Variants in ASIC4 observed in about 807,000 individuals in gnomAD.
The protein encoded by ASIC4 is acid-sensing ion channel 4.
In ASIC4, 28 loss-of-function variants were observed where a neutral mutation model predicts 53.4. The ratio of observed to expected loss-of-function variants is 0.52; its 90% CI spans 0.39 to 0.72. The LOEUF is 0.72. Ranked by LOEUF, ASIC4 falls within the 30% of genes least tolerant of loss-of-function variation. The pLI is 0.00. For synonymous variants in ASIC4, 289 were observed against 301.4 expected (o/e 0.96, Z 0.43); for missense variants, 649 against 729.7 (o/e 0.89, Z 1.27).
In ASIC4 at chr2:219,532,058, C is replaced by T. The variant is rs1343350219; in HGVS notation, c.785C>T (p.Pro262Leu). ...CAGATCCACAGCCAGGAGGAGCCGC[C>T]CTACATCCACCAGCTGGGGTTCGGG... ...RVQIHSQEEP[P>L]YIHQLGFGVS... The change falls in exon 3 of 10, where the codon CCC (proline) becomes CTC (leucine). Residue 262 changes from proline (P) to leucine (L), a missense_variant. Transcript: ENST00000358078. 1 of 1,614,246 alleles carries T rather than the reference C, an allele frequency of 6.2e-7. No individual in the cohort carries two copies.
rs778670602 is a variant in ASIC4, at chr2:219,537,078, G to T, written c.1242G>T (p.Leu414=). 6.2e-6 allele frequency: 10 copies of T among 1,614,034 alleles called. No individual in the cohort carries two copies. In the East Asian group the frequency reaches 1.1e-4, roughly 18 times the overall value. The change falls in exon 7 of 10, where the codon CTG becomes CTT. Residue 414 remains leucine, a synonymous_variant. Coordinates refer to ENST00000358078, the MANE Select transcript of ASIC4 (RefSeq NM_018674.6). The surrounding 1 kb of genome is among the most constrained non-coding windows in gnomAD (Gnocchi z 4.9). ...RNETYIRENF[L]VLDVFFEALT... Reference sequence around the variant, plus strand: ...CCTGTCTCCACAGGGAGAACTTCCTGGTCCTAGATGTCTTCTTTGAGGCCC... The same window carrying T: ...CCTGTCTCCACAGGGAGAACTTCCTTGTCCTAGATGTCTTCTTTGAGGCCC...
upstream of ASIC4, among the ~76,000 whole-genome samples, chr2:219,511,283 G>A (rs1228539332): frequency 3.3e-5 from 5 of 152,066 alleles, no homozygotes; most frequent in Non-Finnish European, 7.4e-5. The surrounding 1 kb of genome is among the most constrained non-coding windows in gnomAD (Gnocchi z 5.3). Context: ...GAGGTCTCTG[G>A]GTCTGCCTTT....
At position 219,537,011 on chromosome 2, in the gene ASIC4, CCAGCCTTCT is replaced by C; in HGVS notation, c.1230-51_1230-43del. On this transcript the variant is annotated intron_variant, in intron 6 of 9. Coordinates refer to ENST00000358078, the MANE Select transcript of ASIC4 (RefSeq NM_018674.6). This position sits in a 1 kb window ranked among gnomAD's most constrained non-coding sequence, Gnocchi z 4.9. ...ATCTGCTGGATCCAGGATGCCCCTG[CCAGCCTTCT>C]CAGGAAGAGAGGCCCACACGGATAC... is the stretch of plus-strand genomic sequence containing the variant. 1 of 1,522,486 alleles carries C rather than the reference CCAGCCTTCT, an allele frequency of 6.6e-7. No individual in the cohort carries two copies. The highest frequency in any genetic ancestry group is 9.1e-7 in the Non-Finnish European group (1 of 1,101,602). The allele number at this position is 1,522,486 out of a possible 1,614,324, so 94.3% of individuals were successfully genotyped here.
chr2:219,525,563 A>G (rs1301942050), intron 1 of ASIC4, among the ~76,000 whole-genome samples: 1 of 152,202 alleles, frequency 6.6e-6, no homozygotes, highest in Admixed American at 6.5e-5. Flanking sequence ...CTGCCTTTGT[A>G]CAATGAGTGA....
chr2:219,535,919 C>T (rs900005794), intron 6 of ASIC4, among the ~76,000 whole-genome samples: 1 of 151,982 alleles, frequency 6.6e-6, no homozygotes, highest in African/African-American at 2.4e-5. Flanking sequence ...ATTATAGGCA[C>T]CCACAGCCAT....
rs12477394 is a variant in ASIC4, at chr2:219,535,292, G to A, written c.1197G>A (p.Ala399=). ...IPNRGSARYL[A]RKYNRNETYI... is the part of the protein sequence containing the mutation. ...ACAGGGGCTCAGCCCGGTACCTGGC[G>A]AGGAAGTACAACCGCAACGAGACCT... Residue 399 remains alanine, a synonymous_variant, in exon 6 of 10, where the codon GCG becomes GCA. Coordinates refer to ENST00000358078, the MANE Select transcript of ASIC4 (RefSeq NM_018674.6). 0.021 allele frequency: 33,587 copies of A among 1,611,740 alleles called. 2,466 individuals carry two copies. In the African/African-American group the frequency reaches 0.24, roughly 12 times the overall value.
Position 219,532,363 on chromosome 2 carries a change from C to T in ASIC4, c.904C>T (p.Leu302Phe), listed in dbSNP as rs1401734269. ...PWGNCRAESE[L>F]REPELQGYSA... is the part of the protein sequence containing the mutation. ...GGGCAACTGCCGCGCAGAGAGTGAG[C>T]TCAGGGAGCCTGAGCTTCAGGGCTA... The change falls in exon 4 of 10, where the codon CTC (leucine) becomes TTC (phenylalanine). Residue 302 changes from leucine to phenylalanine, a missense_variant. Coordinates refer to ENST00000358078, the MANE Select transcript of ASIC4 (RefSeq NM_018674.6). 6.2e-7 allele frequency: 1 copy of T among 1,613,868 alleles called. No homozygotes were observed. Among genetic ancestry groups the T allele is most frequent in the Non-Finnish European group, 8.5e-7 (1 of 1,179,890 alleles).
At chr2:219,531,926 G>C in intron 2 of ASIC4, 24 bp downstream of exon 2, 1 of 1,611,526 alleles carries the variant, frequency 6.2e-7, no homozygotes, top group Non-Finnish European at 8.5e-7. Context: ...AAAGGGACAA[G>C]GGCCACCTTG....
chr2:219,530,466 A>G (rs1272879913), intron 1 of ASIC4, among the ~76,000 whole-genome samples: 4 of 152,252 alleles, frequency 2.6e-5, no homozygotes, highest in African/African-American at 9.6e-5. Flanking sequence ...GGCTGGGGAC[A>G]CCAGACAGGC....
intron 1 of ASIC4, among the ~76,000 whole-genome samples, chr2:219,531,244 T>C (rs779444380): frequency 6.6e-6 from 1 of 151,914 alleles, no homozygotes; most frequent in Non-Finnish European, 1.5e-5. Context: ...CATATGCTTG[T>C]AATCCCAGCT....
At chr2:219,515,411 T>A in intron 1 of ASIC4, 105 bp downstream of exon 1, 1 of 1,361,420 alleles carries the variant, frequency 7.3e-7, no homozygotes, top group Non-Finnish European at 9.8e-7. Flanking sequence ...AGGGCTTCCC[T>A]TCATTCCACC....
intron 5 of ASIC4, 65 bp downstream of exon 5, chr2:219,533,004 C>T (rs1172918971): frequency 1.6e-5 from 24 of 1,516,698 alleles, no homozygotes; most frequent in Non-Finnish European, 2.1e-5. Flanking sequence ...CACTCTTCTC[C>T]TCACTGTCTT....
Position 219,532,388 on chromosome 2 carries a change from A to T in ASIC4, c.929A>T (p.Tyr310Phe), listed in dbSNP as rs1695057078. Residue 310 changes from tyrosine to phenylalanine, a missense_variant, in exon 4 of 10, where the codon TAC becomes TTC. Transcript: ENST00000358078. ...CTCAGGGAGCCTGAGCTTCAGGGCT[A>T]CTCGGCCTACAGTGTGTCTGCCTGC... ...SELREPELQGYSAYSVSACRL... is the reference protein window; with the variant it reads ...SELREPELQGFSAYSVSACRL... 6.2e-7 allele frequency: 1 copy of T among 1,613,924 alleles called. No individual in the cohort carries two copies. The highest frequency in any genetic ancestry group is 1.3e-5 in the African/African-American group (1 of 74,910).
intron 1 of ASIC4, among the ~76,000 whole-genome samples, chr2:219,522,548 C>T (rs1360307176): frequency 6.6e-6 from 1 of 152,148 alleles, no homozygotes; most frequent in Non-Finnish European, 1.5e-5. Flanking sequence ...GTCGCAGCCT[C>T]CCGGGCCTCG....
intron 5 of ASIC4, chr2:219,533,165 A>G: frequency 1.7e-6 from 1 of 594,164 alleles, no homozygotes; most frequent in Non-Finnish European, 3.0e-6. Flanking sequence ...GTTGCAGAGA[A>G]GCCAGGACTG....
chr2:219,534,989 A>C (rs1447836741), intron 5 of ASIC4, among the ~76,000 whole-genome samples, 182 bp from the exon 6 acceptor site: 2 of 152,048 alleles, frequency 1.3e-5, no homozygotes, highest in African/African-American at 2.4e-5. Flanking sequence ...GAGCAGTCTG[A>C]AGCTGGTTCA....
upstream of ASIC4, among the ~76,000 whole-genome samples, chr2:219,509,977 C>T (rs1420019796): frequency 6.6e-6 from 1 of 151,958 alleles, no homozygotes; most frequent in Non-Finnish European, 1.5e-5. The surrounding 1 kb of genome is among the most constrained non-coding windows in gnomAD (Gnocchi z 5.2). Flanking sequence ...CTCTGCTGCC[C>T]CTGACATGCA....
chr2:219,511,377 C>T (rs373804578), upstream of ASIC4, among the ~76,000 whole-genome samples: 4 of 151,294 alleles, frequency 2.6e-5, no homozygotes, highest in Non-Finnish European at 5.9e-5. This position sits in a 1 kb window ranked among gnomAD's most constrained non-coding sequence, Gnocchi z 5.3. Context: ...GTCTCTCCCC[C>T]CGACTGCATG....
In ASIC4 at chr2:219,536,685, G is replaced by A. The variant is rs1245488319; in HGVS notation, c.1230-381G>A. Among the ~76,000 whole-genome samples the A allele has an allele frequency of 2.0e-5, 3 of 151,998 alleles. No homozygotes were observed. Among genetic ancestry groups the A allele is most frequent in the South Asian group, 2.1e-4 (1 of 4,798 alleles). The stretch of plus-strand genomic sequence containing the variant: ...GACGGCGGCTGGGGAGGAAGGTGCC[G>A]GGGACAGGCCACCGGCTGCCCAGGA... On this transcript the variant is annotated intron_variant, in intron 6 of 9. Transcript: ENST00000358078. The surrounding 1 kb of genome is among the most constrained non-coding windows in gnomAD (Gnocchi z 4.6).
Sources: gnomAD v4.1 joint callset for allele counts (sites outside exome capture counted in the v4.1 genomes callset) on GRCh38, gnomAD v4.1.1 for gene constraint, Gnocchi (gnomAD v3.1) non-coding constraint, MANE v1.5 for transcripts, NCBI Gene and HGNC (gene_info 2026-07-23, HGNC 2026-07-21) for gene names.